Variants in IL15 observed in about 807,000 individuals in gnomAD.
The protein encoded by IL15 is interleukin 15, also known as interleukin-15.
IL15 carries 11 observed loss-of-function variants against 19.6 expected under a neutral mutation model. That is an observed-to-expected ratio of 0.56 (90% CI 0.35 to 0.93). The LOEUF is 0.93. Among genes scored for constraint, IL15 ranks in the 40% least tolerant of loss-of-function variants. The pLI, the probability that IL15 is intolerant of heterozygous loss-of-function variation, is 0.01. For synonymous variants in IL15, 58 were observed against 59.6 expected (o/e 0.97, Z 0.12); for missense variants, 197 against 186.5 (o/e 1.06, Z -0.33).
intron 2 of IL15, among the ~76,000 whole-genome samples, chr4:141,691,673 T>A (rs935663670): frequency 2.6e-5 from 4 of 152,196 alleles, no homozygotes; most frequent in African/African-American, 9.7e-5. Flanking sequence ...TGATCTCCTT[T>A]GACTCCATGT....
intron 2 of IL15, chr4:141,714,530 A>G (rs1394594579): frequency 6.6e-6 from 1 of 152,248 alleles, no homozygotes; most frequent in Non-Finnish European, 1.5e-5. Flanking sequence ...CTTGTCAGCC[A>G]TCCCAGGCAG....
chr4:141,671,589 G>A (rs975311761), intron 2 of IL15, among the ~76,000 whole-genome samples: 1 of 152,096 alleles, frequency 6.6e-6, no homozygotes. Context: ...TGGTGCCTCG[G>A]TGATGGCTGT....
chr4:141,645,177 C>T (rs191292573), intron 1 of IL15, among the ~76,000 whole-genome samples: 255 of 152,166 alleles, frequency 1.7e-3, no homozygotes, highest in Non-Finnish European at 2.7e-3. Flanking sequence ...TCATTCACTC[C>T]GTTAGATAAA....
chr4:141,648,654 A>G (rs1727306934), intron 1 of IL15, among the ~76,000 whole-genome samples: 1 of 152,086 alleles, frequency 6.6e-6, no homozygotes. Flanking sequence ...TAAAATCTGT[A>G]TTTGGTATCT....
chr4:141,672,429 A>ATTTT (rs1728205228), intron 2 of IL15, among the ~76,000 whole-genome samples: 1 of 152,190 alleles, frequency 6.6e-6, no homozygotes, highest in Non-Finnish European at 1.5e-5. Flanking sequence ...TTTTTATTTT[A>ATTTT]ATCAAGTAGT....
At chr4:141,643,177 T>C (rs1459524443) in intron 1 of IL15, among the ~76,000 whole-genome samples, 1 of 152,192 alleles carries the variant, frequency 6.6e-6, no homozygotes, top group Non-Finnish European at 1.5e-5. Context: ...CTCAAGGACA[T>C]AACTCTAGTA....
chr4:141,664,700 G>A (rs1396961844), intron 2 of IL15, among the ~76,000 whole-genome samples: 7 of 152,062 alleles, frequency 4.6e-5, no homozygotes, highest in Admixed American at 3.3e-4. Context: ...ATTTGCTTGC[G>A]TTTTATAAAG....
intron 2 of IL15, among the ~76,000 whole-genome samples, chr4:141,691,800 TG>T (rs1728921381): frequency 6.6e-6 from 1 of 152,144 alleles, no homozygotes; most frequent in South Asian, 2.1e-4. Context: ...TCAGTACCCA[TG>T]GGTTTTCCAG....
At chr4:141,706,308 T>G (rs7671458) in intron 2 of IL15, among the ~76,000 whole-genome samples, 20,911 of 152,034 alleles carry the variant, frequency 0.14, 1,554 homozygotes, top group African/African-American at 0.18. Context: ...CTTAATTTTG[T>G]TCACATAAAA....
At chr4:141,694,231 C>T (rs1024056019) in intron 2 of IL15, among the ~76,000 whole-genome samples, 2 of 152,214 alleles carry the variant, frequency 1.3e-5, no homozygotes, top group East Asian at 1.9e-4. Flanking sequence ...CACACGTGAA[C>T]GTGGAGAGTA....
chr4:141,684,672 T>G (rs902996433), intron 2 of IL15, among the ~76,000 whole-genome samples: 2 of 152,208 alleles, frequency 1.3e-5, no homozygotes, highest in Non-Finnish European at 2.9e-5. Context: ...CTTCTTTCTA[T>G]TCAAACTTTA....
chr4:141,661,351 A>G (rs1390848578), intron 2 of IL15, among the ~76,000 whole-genome samples: 3 of 152,170 alleles, frequency 2.0e-5, no homozygotes, highest in Non-Finnish European at 4.4e-5. Context: ...AATAGGAGAA[A>G]GATGTTTTTG....
At chr4:141,645,348 T>G (rs1018096850) in intron 1 of IL15, among the ~76,000 whole-genome samples, 1 of 152,178 alleles carries the variant, frequency 6.6e-6, no homozygotes, top group Non-Finnish European at 1.5e-5. Flanking sequence ...AGGGCCTCCA[T>G]GCCACACACC....
At chr4:141,671,414 T>C (rs769607283) in intron 2 of IL15, among the ~76,000 whole-genome samples, 27 of 152,236 alleles carry the variant, frequency 1.8e-4, no homozygotes, top group Non-Finnish European at 3.2e-4. Flanking sequence ...ATCTCGTGAT[T>C]TAAAATTTTG....
chr4:141,725,563 A>G (rs1730229547), intron 5 of IL15, among the ~76,000 whole-genome samples: 1 of 152,170 alleles, frequency 6.6e-6, no homozygotes, highest in African/African-American at 2.4e-5. Flanking sequence ...TAAGTCACCA[A>G]GTCTGTGGTA....
chr4:141,652,636 A>G lies in IL15; in HGVS notation c.-221-3550A>G, dbSNP rs142512062. On this transcript the variant is annotated intron_variant, in intron 1 of 7. Coordinates refer to ENST00000320650, the MANE Select transcript of IL15 (RefSeq NM_000585.5). Reference sequence around the variant, plus strand: ...TTTCATGTGAAGCTAAGTATTTGGAACAAGAGATGCCAGAGGTCTAATCAG... The same window carrying G: ...TTTCATGTGAAGCTAAGTATTTGGAGCAAGAGATGCCAGAGGTCTAATCAG... 9.8e-4 allele frequency among the ~76,000 whole-genome samples: 149 copies of G among 152,272 alleles called. 1 individual carries two copies. The highest frequency in any genetic ancestry group is 3.2e-3 in the African/African-American group (134 of 41,560).
chr4:141,678,101 T>C (rs894105467), intron 2 of IL15, among the ~76,000 whole-genome samples: 3 of 152,190 alleles, frequency 2.0e-5, no homozygotes, highest in Non-Finnish European at 2.9e-5. Context: ...CTGCTATAAA[T>C]ATATTGCCTC....
intron 2 of IL15, among the ~76,000 whole-genome samples, chr4:141,706,028 C>G (rs1579038294): frequency 1.3e-5 from 2 of 151,964 alleles, no homozygotes; most frequent in South Asian, 4.1e-4. Context: ...TATCTTTTAA[C>G]TGGAGAATTT....
At position 141,730,638 on chromosome 4, in the gene IL15, C is replaced by T. The variant is rs550019409; in HGVS notation, c.378+654C>T. 1.9e-4 allele frequency among the ~76,000 whole-genome samples: 29 copies of T among 152,160 alleles called. No homozygotes were observed. In the South Asian group the frequency reaches 6.0e-3, roughly 32 times the overall value. On this transcript the variant is annotated intron_variant, in intron 7 of 7. Coordinates refer to ENST00000320650, the MANE Select transcript of IL15 (RefSeq NM_000585.5). ...ATGATTCGAGTATAATCTGGGACATCCCAGGCAACTTGAGCAGTAGAGGGT... is the reference window on the plus strand; with the variant it reads ...ATGATTCGAGTATAATCTGGGACATTCCAGGCAACTTGAGCAGTAGAGGGT...
Sources: gnomAD v4.1 joint callset for allele counts (sites outside exome capture counted in the v4.1 genomes callset) on GRCh38, gnomAD v4.1.1 for gene constraint, MANE v1.5 for transcripts, NCBI Gene and HGNC (gene_info 2026-07-23, HGNC 2026-07-21) for gene names.